The following TRPM4 variants were observed in gnomAD, a reference collection of about 807,000 sequenced individuals.
The protein encoded by TRPM4 is calcium-activated non-selective cation channel 1.
TRPM4 carries 124 observed loss-of-function variants against 135.6 expected under a neutral mutation model. The ratio of observed to expected loss-of-function variants is 0.91; its 90% confidence interval spans 0.79 to 1.06. The LOEUF (loss-of-function observed/expected upper bound fraction) is 1.06, where lower values mean the gene tolerates loss of function less well. Ranked by LOEUF, TRPM4 falls within the 50% of genes least tolerant of loss-of-function variation. The probability of loss-of-function intolerance (pLI) is 0.00; values close to 1 mark genes in which losing one functional copy is unlikely to be tolerated. For synonymous variants in TRPM4, 745 were observed against 705.6 expected, an observed-to-expected ratio of 1.06 and a Z score of -0.88; for missense variants, 1,658 against 1,671.4, an observed-to-expected ratio of 0.99 and a Z score of 0.14.
In TRPM4 at chr19:49,200,634, C is replaced by G; in HGVS notation, c.2802C>G (p.Leu934=). 6.2e-7 allele frequency: 1 copy of G among 1,613,724 alleles called. No individual in the cohort carries two copies. Among genetic ancestry groups the G allele is most frequent in the Non-Finnish European group, 8.5e-7 (1 of 1,180,018 alleles). Residue 934 remains leucine, a synonymous_variant, in exon 19 of 25, where the codon CTC becomes CTG. Coordinates refer to ENST00000252826, the MANE Select transcript of TRPM4 (RefSeq NM_017636.4). ...SKMMKDVFFF[L]FFLGVWLVAY... is the part of the protein sequence containing the mutation. The stretch of plus-strand genomic sequence containing the variant: ...AGATGAAGGACGTGTTCTTCTTCCT[C>G]TTCTTCCTCGGCGTGTGGCTGGTAG...
At position 49,210,648 on chromosome 19, in the gene TRPM4, A is replaced by G; in HGVS notation, c.3329-62A>G. The G allele has an allele frequency of 6.2e-7, 1 of 1,612,670 alleles. No individual in the cohort carries two copies. Among genetic ancestry groups the G allele is most frequent in the Non-Finnish European group, 8.5e-7 (1 of 1,179,406 alleles). ...GCGTGCGTGTTCTGAGGGTGTCGGA[A>G]GGGGCAGCTGGGATTGGGAAGGGGC... On this transcript the variant is annotated intron_variant, in intron 21 of 24. Coordinates refer to ENST00000252826, the MANE Select transcript of TRPM4 (RefSeq NM_017636.4). The surrounding 1 kb of genome is among the most constrained non-coding windows in gnomAD (Gnocchi z 4.1).
chr19:49,188,780 G>T lies in TRPM4; in HGVS notation c.1873+10G>T. 1 of 1,613,920 alleles carries T rather than the reference G, an allele frequency of 6.2e-7. No homozygotes were observed. The highest frequency in any genetic ancestry group is 8.5e-7 in the Non-Finnish European group (1 of 1,179,922). ...GAGGGGATGGGCGTTGGTGCGTGGG[G>T]CACGGTGCCTGGGAGCAGGGACGGG... On this transcript the variant is annotated intron_variant, in intron 13 of 24. Coordinates refer to ENST00000252826, the MANE Select transcript of TRPM4 (RefSeq NM_017636.4).
Position 49,200,696 on chromosome 19 carries a change from G to A in TRPM4, c.2864G>A (p.Arg955Gln). 6.2e-6 allele frequency: 10 copies of A among 1,614,032 alleles called. No individual in the cohort carries two copies. Among genetic ancestry groups the A allele is most frequent in the Non-Finnish European group, 7.6e-6 (9 of 1,180,012 alleles). Residue 955 changes from arginine to glutamine, a missense_variant, in exon 19 of 25, where the codon CGG (arginine) becomes CAG (glutamine). Arg to Gln is a conservative substitution (Grantham distance 43). Transcript: ENST00000252826. ...GVATEGLLRP[R>Q]DSDFPSILRR... ...GCCACGGAGGGGCTCCTGAGGCCAC[G>A]GGACAGTGACTTCCCAAGTATCCTG... is the stretch of plus-strand genomic sequence containing the variant.
intron 9 of TRPM4, among the ~76,000 whole-genome samples, chr19:49,175,445 G>A (rs1967649609): frequency 6.6e-6 from 1 of 152,052 alleles, no homozygotes; most frequent in African/African-American, 2.4e-5. Flanking sequence ...CTGGGCTAAA[G>A]CTATCTGCCC....
At chr19:49,192,263 C>T (rs1968440298) in intron 16 of TRPM4, among the ~76,000 whole-genome samples, 1 of 152,168 alleles carries the variant, frequency 6.6e-6, no homozygotes, top group African/African-American at 2.4e-5. Flanking sequence ...CTGCCTCAGC[C>T]TCTCAAGTAG....
At chr19:49,203,100 C>T (rs1969000371) in intron 20 of TRPM4, among the ~76,000 whole-genome samples, 1 of 151,278 alleles carries the variant, frequency 6.6e-6, no homozygotes, top group Non-Finnish European at 1.5e-5. Flanking sequence ...ACCGTGTTAA[C>T]CCGGATGGTC....
intron 10 of TRPM4, 61 bp downstream of exon 10, chr19:49,181,522 T>C: frequency 1.2e-6 from 1 of 867,720 alleles, no homozygotes; most frequent in Non-Finnish European, 1.8e-6. Flanking sequence ...GTCCTCCCTC[T>C]CTGCCTTCTT....
chr19:49,164,364 GTTTTTTTTTTTTTTTTTTTTTTTTT>G lies in TRPM4; in HGVS notation c.93-1667_93-1643del, dbSNP rs869232937. ...CCTCCCTCCTTCCTTTCTTTCCTTA[GTTTTTTTTTTTTTTTTTTTTTTTTT>G]TTTTTTTTTGAGATGGAGTTTCGCT... On this transcript the variant is annotated intron_variant, in intron 2 of 24. Coordinates refer to ENST00000252826, the MANE Select transcript of TRPM4 (RefSeq NM_017636.4). 1.2e-4 allele frequency among the ~76,000 whole-genome samples: 2 copies of G among 16,244 alleles called. 1 individual carries two copies. The highest frequency in any genetic ancestry group is 5.0e-4 in the African/African-American group (2 of 4,024). 10.7% of individuals were successfully genotyped at this position (16,244 alleles called of 152,430 possible).
intron 20 of TRPM4, among the ~76,000 whole-genome samples, chr19:49,208,581 G>A (rs1252074310): frequency 6.6e-6 from 1 of 151,986 alleles, no homozygotes; most frequent in Non-Finnish European, 1.5e-5. Context: ...CCTAGGTTAT[G>A]ATTGTAAAGC....
rs773556358 is a variant in TRPM4 at position 49,182,767 on chromosome 19, G to A, written c.1453G>A (p.Gly485Ser). 5 of 1,613,254 alleles carry A rather than the reference G, an allele frequency of 3.1e-6. No individual in the cohort carries two copies. The highest frequency in any genetic ancestry group is 2.5e-6 in the Non-Finnish European group (3 of 1,179,264). Reference protein sequence around the residue: ...NLLDQASHSAGTKAPALKGGA... With the variant: ...NLLDQASHSASTKAPALKGGA... ...TTTGGACCAGGCGTCCCACAGCGCA[G>A]GCACCAAAGCCCCAGCCCTAAAAGG... is the stretch of plus-strand genomic sequence containing the variant. The change falls in exon 11 of 25, where the codon GGC becomes AGC. Residue 485 changes from glycine to serine, a missense_variant. Physicochemically the swap from Gly to Ser is moderately conservative, Grantham distance 56 (BLOSUM62 0). Transcript: ENST00000252826.
intron 15 of TRPM4, 48 bp downstream of exon 15, chr19:49,190,368 G>A: frequency 1.3e-6 from 2 of 1,536,966 alleles, no homozygotes; most frequent in Non-Finnish European, 1.8e-6. Context: ...GGGGTGCTCA[G>A]TTTCTCCTTC....
At chr19:49,177,452 C>T (rs759242862) in intron 9 of TRPM4, among the ~76,000 whole-genome samples, 1 of 151,664 alleles carries the variant, frequency 6.6e-6, no homozygotes, top group Non-Finnish European at 1.5e-5. Flanking sequence ...CTCAGCCTCC[C>T]GAGAAGCTGG....
chr19:49,158,443 A>G, intron 2 of TRPM4, 184 bp downstream of exon 2: 1 of 640,380 alleles, frequency 1.6e-6, no homozygotes, highest in Non-Finnish European at 2.8e-6. Context: ...CTCATTCCCC[A>G]TTCGCCATTC....
At chr19:49,197,300 T>C (rs913769815) in intron 17 of TRPM4, among the ~76,000 whole-genome samples, 289 of 121,380 alleles carry the variant, frequency 2.4e-3, no homozygotes, top group Non-Finnish European at 3.9e-3. Context: ...TTCTTTCTCT[T>C]TCTTTCTTTT....
In TRPM4 at chr19:49,188,499, A is replaced by G. The variant is rs113470581; in HGVS notation, c.1744-142A>G. ...CTGACTTTCAGTTTCTTCCAGATCC[A>G]TCTCCAAACATTACTTCATCCTTGG... On this transcript the variant is annotated intron_variant, in intron 12 of 24. Coordinates refer to ENST00000252826, the MANE Select transcript of TRPM4 (RefSeq NM_017636.4). The G allele has an allele frequency of 5.9e-3, 7,230 of 1,216,024 alleles. 34 individuals carry two copies. Among genetic ancestry groups the G allele is most frequent in the Non-Finnish European group, 7.2e-3 (6,044 of 834,794 alleles). The allele number at this position is 1,216,024 out of a possible 1,614,324, so 75.3% of individuals were successfully genotyped here.
In TRPM4 at chr19:49,210,534, C is replaced by A. The variant is rs1283438108; in HGVS notation, c.3328+129C>A. ...GTAGCGAGGGGCGGGGTTTAAGCAA[C>A]AAGGGGCGGAGCTTAAGCACTGAGG... On this transcript the variant is annotated intron_variant, in intron 21 of 24. Transcript: ENST00000252826. The surrounding 1 kb of genome is among the most constrained non-coding windows in gnomAD (Gnocchi z 4.1). 17 of 1,423,224 alleles carry A rather than the reference C, an allele frequency of 1.2e-5. No individual in the cohort carries two copies. The African/African-American group carries it at 2.4e-4, about 20-fold the overall frequency. 88.2% of individuals were successfully genotyped at this position (1,423,224 alleles called of 1,614,324 possible).
At chr19:49,168,853 T>C in intron 6 of TRPM4, 117 bp downstream of exon 6, 1 of 1,116,780 alleles carries the variant, frequency 9.0e-7, no homozygotes. Context: ...GTTAAGTGTC[T>C]TTCCCCGTCA....
Position 49,182,780 on chromosome 19 carries a change from C to T in TRPM4, c.1466C>T (p.Pro489Leu), listed in dbSNP as rs766004189. 23 of 1,577,680 alleles carry T rather than the reference C, an allele frequency of 1.5e-5. No homozygotes were observed. The highest frequency in any genetic ancestry group is 2.0e-5 in the Non-Finnish European group (23 of 1,148,780). Residue 489 changes from proline (P) to leucine (L), a missense_variant, in exon 11 of 25, where the codon CCA becomes CTA. Transcript: ENST00000252826. Reference protein sequence around the residue: ...QASHSAGTKAPALKGGAAELR... With the variant: ...QASHSAGTKALALKGGAAELR... ...TCCCACAGCGCAGGCACCAAAGCCC[C>T]AGCCCTAAAAGGGGGAGCTGCGGAG...
rs373245795 is a variant in TRPM4 at position 49,171,439 on chromosome 19, G to A, written c.858+21G>A. On this transcript the variant is annotated intron_variant, in intron 7 of 24. Transcript: ENST00000252826. The surrounding 1 kb of genome is among the most constrained non-coding windows in gnomAD (Gnocchi z 4.7). ...TGACGGTATAGGGGCCCGGATGCCC[G>A]GATCTAAGGGGGAAGGAGGGTTGGG... The A allele has an allele frequency of 1.3e-5, 21 of 1,613,842 alleles. No homozygotes were observed. The highest frequency in any genetic ancestry group is 3.3e-5 in the Admixed American group (2 of 59,966).
Sources: allele counts gnomAD v4.1 joint callset (sites outside exome capture counted in the v4.1 genomes callset), GRCh38; gene constraint gnomAD v4.1.1; non-coding constraint Gnocchi (gnomAD v3.1); transcripts MANE v1.5; gene names NCBI Gene and HGNC (gene_info 2026-07-23, HGNC 2026-07-21).